TSPEAR: variants seen among roughly 807,000 people sequenced by gnomAD.
TSPEAR encodes thrombospondin type laminin G domain and EAR repeats.
Under a neutral mutation model 71.6 loss-of-function variants are expected in TSPEAR, and 69 were observed. The observed-to-expected ratio is 0.96, with a 90% confidence interval of 0.79 to 1.18. The LOEUF (loss-of-function observed/expected upper bound fraction) is 1.18, where lower values mean the gene tolerates loss of function less well. TSPEAR is among the 50% of genes most tolerant of loss of function. The pLI, the probability that TSPEAR is intolerant of heterozygous loss-of-function variation, is 0.00. For synonymous variants in TSPEAR, 402 were observed against 387.2 expected, an observed-to-expected ratio of 1.04 and a Z score of -0.45; for missense variants, 971 against 894.9, an observed-to-expected ratio of 1.09 and a Z score of -1.09.
At chr21:44,563,583 G>A (rs1008021314) in intron 2 of TSPEAR, among the ~76,000 whole-genome samples, 9 of 121,244 alleles carry the variant, frequency 7.4e-5, no homozygotes, top group African/African-American at 2.4e-4. Flanking sequence ...TAAGGACAGT[G>A]GTGACAAAAA....
intron 2 of TSPEAR, among the ~76,000 whole-genome samples, chr21:44,557,132 C>T (rs1270413958): frequency 6.6e-6 from 1 of 152,318 alleles, no homozygotes; most frequent in Middle Eastern, 3.4e-3. Flanking sequence ...TGACGCCACG[C>T]ATCTCATTCC....
intron 1 of TSPEAR, chr21:44,647,379 G>T: frequency 6.2e-7 from 1 of 1,606,110 alleles, no homozygotes; most frequent in Non-Finnish European, 8.5e-7. Flanking sequence ...GTCTCCTGCT[G>T]ACTGTGTCTT....
intron 1 of TSPEAR, among the ~76,000 whole-genome samples, chr21:44,709,979 G>A (rs1988133583): frequency 6.6e-6 from 1 of 152,172 alleles, no homozygotes; most frequent in Non-Finnish European, 1.5e-5. Flanking sequence ...GGGGAGAGGG[G>A]GAGGGCTTTA....
chr21:44,651,942 C>G (rs1984816752), intron 1 of TSPEAR, among the ~76,000 whole-genome samples: 1 of 151,172 alleles, frequency 6.6e-6, no homozygotes, highest in African/African-American at 2.4e-5. Flanking sequence ...AGCCCAGGAG[C>G]AGTTTAGGCC....
Position 44,509,379 on chromosome 21 carries a change from C to A in TSPEAR, c.1574G>T (p.Gly525Val). The part of the protein sequence containing the change: ...FQLFQSFPTF[G>V]AADWEVFQIG... Reference sequence around the variant, plus strand: ...CTGGAAGACCTCCCAGTCTGCAGCACCGAACGTCTAGGACCAAAGGAGAGC... The same window carrying A: ...CTGGAAGACCTCCCAGTCTGCAGCAACGAACGTCTAGGACCAAAGGAGAGC... Residue 525 changes from glycine (G) to valine (V), a missense_variant, in exon 10 of 12, where the codon GGT becomes GTT. Coordinates refer to ENST00000323084, the MANE Select transcript of TSPEAR (RefSeq NM_144991.3). 2.5e-6 allele frequency: 4 copies of A among 1,612,338 alleles called. No individual in the cohort carries two copies. The highest frequency in any genetic ancestry group is 3.4e-6 in the Non-Finnish European group (4 of 1,179,434).
In TSPEAR at chr21:44,538,426, C is replaced by CG. The variant is rs1569172585; in HGVS notation, c.304-4504_304-4503insC. ...TACACCTGTGTGGAAACTGCTGCCC[C>CG]CCCCCCCCCCAAGAGGAGAACCTGG... On this transcript the variant is annotated intron_variant, in intron 2 of 11. Transcript: ENST00000323084. Among the ~76,000 whole-genome samples the CG allele has an allele frequency of 1.1e-4, 14 of 123,130 alleles. No homozygotes were observed. In the South Asian group the frequency reaches 1.3e-3, roughly 12 times the overall value. The allele number at this position is 123,130 out of a possible 152,430, so 80.8% of individuals were successfully genotyped here.
chr21:44,685,939 T>C (rs1418206323), intron 1 of TSPEAR, among the ~76,000 whole-genome samples: 3 of 152,334 alleles, frequency 2.0e-5, no homozygotes, highest in Non-Finnish European at 4.4e-5. Flanking sequence ...TGGCACAGTG[T>C]TAGACCTCTG....
intron 1 of TSPEAR, chr21:44,637,923 G>A (rs1983749244): frequency 1.2e-6 from 2 of 1,611,856 alleles, no homozygotes; most frequent in Non-Finnish European, 1.7e-6. Context: ...ACTTCATGCT[G>A]CCAGCAGTCT....
At chr21:44,570,261 T>C (rs2146076921) in intron 1 of TSPEAR, among the ~76,000 whole-genome samples, 1 of 152,268 alleles carries the variant, frequency 6.6e-6, no homozygotes, top group African/African-American at 2.4e-5. Context: ...AGCAAGAGCC[T>C]CTCCCTCCAC....
intron 1 of TSPEAR, among the ~76,000 whole-genome samples, chr21:44,653,590 T>C (rs1382834901): frequency 2.0e-5 from 3 of 152,250 alleles, no homozygotes; most frequent in African/African-American, 7.2e-5. Flanking sequence ...GCTATAGATT[T>C]AAATTTAGTT....
chr21:44,652,427 C>T (rs1555941648), intron 1 of TSPEAR, among the ~76,000 whole-genome samples: 2 of 152,226 alleles, frequency 1.3e-5, no homozygotes, highest in Admixed American at 6.5e-5. Flanking sequence ...GCCCCCACGG[C>T]TCCTCCATGG....
At chr21:44,531,554 G>A (rs1227730720) in intron 3 of TSPEAR, among the ~76,000 whole-genome samples, 6 of 151,616 alleles carry the variant, frequency 4.0e-5, no homozygotes, top group African/African-American at 1.5e-4. Context: ...TCACATTCAC[G>A]GGTGCTGGGT....
rs1985267510 is a variant in TSPEAR at position 44,658,121 on chromosome 21, C to G, written c.82+53312G>C. Reference sequence around the variant, plus strand: ...CTGCACGCGCATTGTGTGCGTGGCTCCCTCCTGCCAGCCCTCCGTGTGCGT... The same window carrying G: ...CTGCACGCGCATTGTGTGCGTGGCTGCCTCCTGCCAGCCCTCCGTGTGCGT... On this transcript the variant is annotated intron_variant, in intron 1 of 11. Coordinates refer to ENST00000323084, the MANE Select transcript of TSPEAR (RefSeq NM_144991.3). 1.2e-6 allele frequency: 2 copies of G among 1,613,698 alleles called. No homozygotes were observed. Among genetic ancestry groups the G allele is most frequent in the African/African-American group, 2.7e-5 (2 of 74,890 alleles).
intron 1 of TSPEAR, chr21:44,573,825 T>TG (rs1978296614): frequency 6.2e-7 from 1 of 1,614,078 alleles, no homozygotes; most frequent in Admixed American, 1.7e-5. Flanking sequence ...CTGTGACTCT[T>TG]GCTCCGACTC....
chr21:44,540,334 G>T, intron 2 of TSPEAR: 2 of 988,400 alleles, frequency 2.0e-6, no homozygotes, highest in Non-Finnish European at 3.0e-6. Flanking sequence ...GAGAGGTGGC[G>T]TGTGTCATGA....
At chr21:44,666,810 A>G (rs781960670) in intron 1 of TSPEAR, 1 of 1,611,734 alleles carries the variant, frequency 6.2e-7, no homozygotes, top group East Asian at 2.2e-5. Flanking sequence ...GGAGCTGGGC[A>G]CACAACAGGC....
chr21:44,625,899 G>A (rs587709932), intron 1 of TSPEAR, among the ~76,000 whole-genome samples: 12 of 152,334 alleles, frequency 7.9e-5, no homozygotes, highest in East Asian at 5.8e-4. Context: ...CACACTTTGC[G>A]TAAGACTGAA....
At chr21:44,522,591 T>C (rs2052757253) in intron 8 of TSPEAR, among the ~76,000 whole-genome samples, 1 of 152,214 alleles carries the variant, frequency 6.6e-6, no homozygotes, top group South Asian at 2.1e-4. Context: ...TGGGAGGTCC[T>C]GCAGGCGGAG....
At chr21:44,697,469 T>C in intron 1 of TSPEAR, 1 of 1,614,114 alleles carries the variant, frequency 6.2e-7, no homozygotes, top group South Asian at 1.1e-5. Context: ...GCAGTCTAGC[T>C]GCCAGCCGGC....
Sources: gnomAD v4.1 joint callset for allele counts (sites outside exome capture counted in the v4.1 genomes callset) on GRCh38, gnomAD v4.1.1 for gene constraint, MANE v1.5 for transcripts, NCBI Gene and HGNC (gene_info 2026-07-23, HGNC 2026-07-21) for gene names.